FOXN3: variants seen among roughly 807,000 people sequenced by gnomAD.
FOXN3 encodes the protein forkhead box protein N3.
Under a neutral mutation model 38.4 loss-of-function variants are expected in FOXN3, and 7 were observed. The observed-to-expected ratio is 0.18, with a 90% CI of 0.10 to 0.34. The LOEUF is 0.34. FOXN3 is among the 10% of genes least tolerant of loss of function. The pLI is 1.00. For synonymous variants in FOXN3, 230 were observed against 242.2 expected (o/e 0.95, Z 0.47); for missense variants, 456 against 613.4 (o/e 0.74, Z 2.71).
chr14:89,541,077 T>C (rs1894782941), intron 1 of FOXN3, among the ~76,000 whole-genome samples: 1 of 152,174 alleles, frequency 6.6e-6, no homozygotes, highest in Admixed American at 6.5e-5. Context: ...AATTTGTACA[T>C]TGTGTCATTG....
At chr14:89,397,888 G>A (rs1318621328) in intron 2 of FOXN3, among the ~76,000 whole-genome samples, 1 of 152,106 alleles carries the variant, frequency 6.6e-6, no homozygotes, top group Non-Finnish European at 1.5e-5. Context: ...CACCCAGCAG[G>A]TCCTATGGAA....
At chr14:89,233,365 G>A (rs1884876870) in intron 4 of FOXN3, among the ~76,000 whole-genome samples, 1 of 152,134 alleles carries the variant, frequency 6.6e-6, no homozygotes, top group South Asian at 2.1e-4. Context: ...TCACATAATG[G>A]CTGCTGATTT....
Position 89,333,994 on chromosome 14 carries a change from A to C in FOXN3, c.680+16678T>G, listed in dbSNP as rs866895596. Reference sequence around the variant, plus strand: ...TATATATATATATATATATATATATATATATATATATATATGTATATAAAT... The same window carrying C: ...TATATATATATATATATATATATATCTATATATATATATATGTATATAAAT... On this transcript the variant is annotated intron_variant, in intron 3 of 5. Transcript: ENST00000557258. Among the ~76,000 whole-genome samples, 11 of 62,478 alleles carry C rather than the reference A, an allele frequency of 1.8e-4. 1 individual carries two copies. The highest frequency in any genetic ancestry group is 6.0e-4 in the African/African-American group (11 of 18,356). The allele number at this position is 62,478 out of a possible 152,430, so 41.0% of individuals were successfully genotyped here.
intron 1 of FOXN3, among the ~76,000 whole-genome samples, chr14:89,499,782 C>T (rs1321121676): frequency 6.6e-6 from 1 of 152,212 alleles, no homozygotes; most frequent in Non-Finnish European, 1.5e-5. Context: ...CTGCTTCTCA[C>T]ATGTTCCCTG....
chr14:89,170,497 G>A (rs1214372483), intron 5 of FOXN3, among the ~76,000 whole-genome samples: 2 of 152,150 alleles, frequency 1.3e-5, no homozygotes. Context: ...GACTGGTCTT[G>A]AACTTGTGGC....
At chr14:89,501,883 C>T (rs370638629) in intron 1 of FOXN3, among the ~76,000 whole-genome samples, 10 of 151,748 alleles carry the variant, frequency 6.6e-5, no homozygotes, top group African/African-American at 1.9e-4. Context: ...ACACTAAATA[C>T]GGCCAGGTGC....
At chr14:89,434,609 T>C (rs1277960306) in intron 1 of FOXN3, among the ~76,000 whole-genome samples, 1 of 152,102 alleles carries the variant, frequency 6.6e-6, no homozygotes, top group African/African-American at 2.4e-5. Flanking sequence ...TCCAAGTCCA[T>C]CTCCATCTCC....
Position 89,162,456 on chromosome 14 carries a change from C to A in FOXN3, c.1365G>T (p.Thr455=), listed in dbSNP as rs1433671424. Residue 455 remains threonine, a synonymous_variant, in exon 6 of 6, where the codon ACG becomes ACT. Coordinates refer to ENST00000557258, the MANE Select transcript of FOXN3 (RefSeq NM_005197.4). This position sits in a 1 kb window ranked among gnomAD's most constrained non-coding sequence, Gnocchi z 7.2. ...RSCLNNITNR[T]AKGQKEQKET... Reference sequence around the variant, plus strand: ...CCTTTTGCTCTTTCTGCCCCTTTGCCGTCCGATTGGTGATGTTATTCAAAC... The same window carrying A: ...CCTTTTGCTCTTTCTGCCCCTTTGCAGTCCGATTGGTGATGTTATTCAAAC... The A allele has an allele frequency of 6.3e-7, 1 of 1,590,126 alleles. No homozygotes were observed. The highest frequency in any genetic ancestry group is 2.2e-5 in the East Asian group (1 of 44,462).
At chr14:89,335,227 AT>A (rs1344150451) in intron 3 of FOXN3, among the ~76,000 whole-genome samples, 1 of 152,182 alleles carries the variant, frequency 6.6e-6, no homozygotes, top group Admixed American at 6.5e-5. Context: ...CACAATTTTT[AT>A]TCATCAATTA....
intron 3 of FOXN3, among the ~76,000 whole-genome samples, chr14:89,286,796 G>A (rs1427268740): frequency 3.9e-5 from 6 of 152,156 alleles, no homozygotes; most frequent in African/African-American, 1.2e-4. Context: ...GGACAGAGAC[G>A]TGTGTGGGAA....
intron 1 of FOXN3, among the ~76,000 whole-genome samples, chr14:89,600,291 G>A (rs920913595): frequency 6.6e-6 from 1 of 152,178 alleles, no homozygotes; most frequent in Non-Finnish European, 1.5e-5. Flanking sequence ...TCACAAACAT[G>A]TCAGACTGTA....
At chr14:89,380,879 T>C (rs1890624894) in intron 2 of FOXN3, among the ~76,000 whole-genome samples, 1 of 152,126 alleles carries the variant, frequency 6.6e-6, no homozygotes, top group South Asian at 2.1e-4. Flanking sequence ...TGGTGGCTCA[T>C]GCCTATAATC....
intron 3 of FOXN3, among the ~76,000 whole-genome samples, chr14:89,293,799 T>C (rs569388269): frequency 1.3e-5 from 2 of 152,236 alleles, no homozygotes; most frequent in South Asian, 4.2e-4. Context: ...CAGTGGCTAT[T>C]TCCCTTCCAC....
At chr14:89,329,651 T>A (rs1317940685) in intron 3 of FOXN3, among the ~76,000 whole-genome samples, 1 of 151,062 alleles carries the variant, frequency 6.6e-6, no homozygotes, top group East Asian at 1.9e-4. Context: ...AGGTCAGGAG[T>A]TCGAGACCAT....
chr14:89,399,477 C>G (rs1259762644), intron 2 of FOXN3, among the ~76,000 whole-genome samples: 1 of 152,218 alleles, frequency 6.6e-6, no homozygotes, highest in Admixed American at 6.5e-5. Flanking sequence ...TGACACTGCT[C>G]CCGCTCCATG....
chr14:89,225,126 T>G (rs1305690099), intron 4 of FOXN3, among the ~76,000 whole-genome samples: 2 of 59,262 alleles, frequency 3.4e-5, no homozygotes, highest in Non-Finnish European at 6.4e-5. Context: ...AGACTCCATC[T>G]CAAAAAAAAA....
intron 4 of FOXN3, among the ~76,000 whole-genome samples, chr14:89,204,704 T>A (rs906326469): frequency 2.6e-5 from 4 of 152,202 alleles, no homozygotes; most frequent in African/African-American, 9.7e-5. Flanking sequence ...CCTACATTGG[T>A]ACAATGAGAA....
chr14:89,454,120 A>G (rs1475407008), intron 1 of FOXN3, among the ~76,000 whole-genome samples: 2 of 152,214 alleles, frequency 1.3e-5, no homozygotes, highest in Admixed American at 1.3e-4. Flanking sequence ...CCTGGCCAAC[A>G]TGGCGAAACC....
At chr14:89,453,406 A>C (rs1388571365) in intron 1 of FOXN3, among the ~76,000 whole-genome samples, 1 of 151,454 alleles carries the variant, frequency 6.6e-6, no homozygotes, top group East Asian at 1.9e-4. Flanking sequence ...AATACAAAAA[A>C]AAAATTAACC....
Sources: gnomAD v4.1 joint callset for allele counts (sites outside exome capture counted in the v4.1 genomes callset) on GRCh38, gnomAD v4.1.1 for gene constraint, Gnocchi (gnomAD v3.1) non-coding constraint, MANE v1.5 for transcripts, NCBI Gene and HGNC (gene_info 2026-07-23, HGNC 2026-07-21) for gene names.